GALNT13: variants seen among roughly 807,000 people sequenced by gnomAD.
GALNT13 encodes the protein polypeptide N-acetylgalactosaminyltransferase 13.
A neutral mutation model predicts 64.2 loss-of-function variants in GALNT13; 28 were observed. The ratio of observed to expected loss-of-function variants is 0.44; its 90% CI spans 0.32 to 0.60. The LOEUF (loss-of-function observed/expected upper bound fraction) is 0.60, where lower values mean the gene tolerates loss of function less well. Ranked by LOEUF, GALNT13 falls within the 20% of genes least tolerant of loss-of-function variation. The pLI is 0.05. For synonymous variants in GALNT13, 214 were observed against 224.6 expected, an observed-to-expected ratio of 0.95 and a Z score of 0.42; for missense variants, 577 against 669.8, an observed-to-expected ratio of 0.86 and a Z score of 1.53.
the GALNT13 span, among the ~76,000 whole-genome samples, chr2:153,640,659 G>A: frequency 1.3e-5 from 2 of 152,088 alleles, no homozygotes; most frequent in Non-Finnish European, 2.9e-5. Context: ...GCACACGACT[G>A]TAGTCCCAGC....
At chr2:154,119,622 T>G (rs1284635438) in intron 3 of GALNT13, among the ~76,000 whole-genome samples, 1 of 152,138 alleles carries the variant, frequency 6.6e-6, no homozygotes, top group Non-Finnish European at 1.5e-5. Context: ...TTTTTTATTC[T>G]TTTGTCTTTT....
At chr2:153,436,561 G>A in the GALNT13 span, among the ~76,000 whole-genome samples, 1 of 152,164 alleles carries the variant, frequency 6.6e-6, no homozygotes, top group African/African-American at 2.4e-5. Flanking sequence ...TCTTGGGAGG[G>A]TGTATGTGTA....
chr2:153,497,522 A>AT, the GALNT13 span, among the ~76,000 whole-genome samples: 3,340 of 36,666 alleles, frequency 0.091, 1,252 homozygotes, highest in Non-Finnish European at 0.12. Flanking sequence ...TTTCTCCCGC[A>AT]TTTTTTTTTT....
chr2:153,893,885 G>C (rs1247912896), intron 1 of GALNT13, among the ~76,000 whole-genome samples: 1 of 151,926 alleles, frequency 6.6e-6, no homozygotes, highest in Non-Finnish European at 1.5e-5. Flanking sequence ...AGTGGAATGG[G>C]TCAAAAAGTA....
the GALNT13 span, among the ~76,000 whole-genome samples, chr2:153,584,719 G>GAAATCTGA: frequency 1.3e-5 from 2 of 152,174 alleles, no homozygotes; most frequent in Non-Finnish European, 2.9e-5. Flanking sequence ...ATCCACCACT[G>GAAATCTGA]AAATCTGAAG....
the GALNT13 span, among the ~76,000 whole-genome samples, chr2:153,312,314 G>A: frequency 3.3e-5 from 5 of 152,140 alleles, no homozygotes; most frequent in Admixed American, 6.6e-5. Flanking sequence ...CATGACACGG[G>A]GGATGCTTCC....
the GALNT13 span, among the ~76,000 whole-genome samples, chr2:153,295,527 T>A: frequency 1.4e-5 from 2 of 139,744 alleles, no homozygotes. Context: ...CTGGAGTACC[T>A]AAAAAAAAAA....
the GALNT13 span, among the ~76,000 whole-genome samples, chr2:153,079,311 G>T: frequency 6.6e-6 from 1 of 152,180 alleles, no homozygotes; most frequent in South Asian, 2.1e-4. Context: ...TTGTCAGATG[G>T]TAAGAGAAAG....
intron 3 of GALNT13, among the ~76,000 whole-genome samples, chr2:154,034,801 C>T (rs187549308): frequency 6.0e-4 from 82 of 136,512 alleles, no homozygotes; most frequent in Admixed American, 1.4e-3. Flanking sequence ...AATAGTAGTC[C>T]ATTGAAAAAA....
At chr2:153,240,628 T>C in the GALNT13 span, among the ~76,000 whole-genome samples, 1 of 152,162 alleles carries the variant, frequency 6.6e-6, no homozygotes, top group African/African-American at 2.4e-5. Context: ...AGACATCCCA[T>C]AATTGTAACC....
At chr2:153,589,531 C>T in the GALNT13 span, among the ~76,000 whole-genome samples, 1 of 152,144 alleles carries the variant, frequency 6.6e-6, no homozygotes, top group African/African-American at 2.4e-5. Flanking sequence ...TACCAATTTA[C>T]TTTATTAGTC....
chr2:154,302,705 T>C (rs534647760), intron 9 of GALNT13, among the ~76,000 whole-genome samples: 1 of 152,316 alleles, frequency 6.6e-6, no homozygotes, highest in South Asian at 2.1e-4. Context: ...TGAACTCATA[T>C]GAGGGATATA....
At chr2:153,353,368 C>T in the GALNT13 span, among the ~76,000 whole-genome samples, 2 of 152,084 alleles carry the variant, frequency 1.3e-5, no homozygotes, top group African/African-American at 4.8e-5. Flanking sequence ...TTTCATATTT[C>T]CTACATAGAC....
the GALNT13 span, among the ~76,000 whole-genome samples, chr2:153,276,371 A>G: frequency 3.3e-5 from 5 of 152,084 alleles, no homozygotes; most frequent in Non-Finnish European, 7.4e-5. Flanking sequence ...CATAAATTCT[A>G]TATTTACTTT....
At chr2:153,095,725 A>G in the GALNT13 span, among the ~76,000 whole-genome samples, 1 of 152,186 alleles carries the variant, frequency 6.6e-6, no homozygotes, top group East Asian at 1.9e-4. Context: ...GGATGAGTTC[A>G]TGTGCTTTGT....
At chr2:154,194,109 T>A (rs954267681) in intron 4 of GALNT13, among the ~76,000 whole-genome samples, 2 of 152,184 alleles carry the variant, frequency 1.3e-5, no homozygotes, top group African/African-American at 4.8e-5. Flanking sequence ...CTTACTGAAT[T>A]AGAACCTCAA....
chr2:154,123,091 A>C (rs1263071520), intron 3 of GALNT13, among the ~76,000 whole-genome samples: 2 of 152,082 alleles, frequency 1.3e-5, no homozygotes. Context: ...TAATAAAATT[A>C]TCTTTCAAAA....
At chr2:153,134,759 T>C in the GALNT13 span, among the ~76,000 whole-genome samples, 1 of 152,144 alleles carries the variant, frequency 6.6e-6, no homozygotes, top group Non-Finnish European at 1.5e-5. Context: ...GACTCCTTTC[T>C]CTTTTTTCTA....
chr2:154,229,306 G>A (rs13424601), intron 4 of GALNT13, among the ~76,000 whole-genome samples: 21,635 of 151,776 alleles, frequency 0.14, 1,548 homozygotes, highest in South Asian at 0.18. Flanking sequence ...CATAGCCAAC[G>A]TATGTTTAGT....
Sources: allele counts gnomAD v4.1 joint callset (sites outside exome capture counted in the v4.1 genomes callset), GRCh38; gene constraint gnomAD v4.1.1; transcripts MANE v1.5; gene names NCBI Gene and HGNC (gene_info 2026-07-23, HGNC 2026-07-21).